CNTN5: variants seen among roughly 807,000 people sequenced by gnomAD.
CNTN5 encodes contactin 5.
A neutral mutation model predicts 129.1 loss-of-function variants in CNTN5; 77 were observed. That is an observed-to-expected ratio of 0.60 (90% CI 0.50 to 0.72). CNTN5 has a LOEUF of 0.72. Among genes scored for constraint, CNTN5 ranks in the 30% least tolerant of loss-of-function variants. CNTN5 has a pLI of 0.00. For synonymous variants in CNTN5, 509 were observed against 465.6 expected, an observed-to-expected ratio of 1.09 and a Z score of -1.20; for missense variants, 1,478 against 1,328.8, an observed-to-expected ratio of 1.11 and a Z score of -1.75.
chr11:99,653,550 C>T (rs1565392558), intron 3 of CNTN5, among the ~76,000 whole-genome samples: 1 of 151,904 alleles, frequency 6.6e-6, no homozygotes, highest in African/African-American at 2.4e-5. Context: ...AACGGAAGTC[C>T]TCAATCCGTG....
At chr11:100,087,324 TTAG>T (rs1230577577) in intron 13 of CNTN5, among the ~76,000 whole-genome samples, 1 of 151,760 alleles carries the variant, frequency 6.6e-6, no homozygotes. Context: ...AACTATTAAA[TTAG>T]TAGTTAAAAA....
intron 6 of CNTN5, among the ~76,000 whole-genome samples, chr11:99,856,786 G>A (rs1049168714): frequency 6.6e-6 from 1 of 152,018 alleles, no homozygotes; most frequent in Non-Finnish European, 1.5e-5. Flanking sequence ...CCTACAAATG[G>A]CCTCAAGACC....
chr11:100,299,391 AAGG>A lies in CNTN5; in HGVS notation c.2619_2620+1del, dbSNP rs1159513083. On this transcript the variant is annotated inframe_deletion and splice_region_variant, in exon 20 of 25. Coordinates refer to ENST00000524871, the MANE Select transcript of CNTN5 (RefSeq NM_014361.4). ...CAAATTGTGGTCATCTGTTCAGCTG[AAGG>A]AGGTCAGTTTTTTTATTCCTATTAT... 9 of 1,576,930 alleles carry A rather than the reference AAGG, an allele frequency of 5.7e-6. No homozygotes were observed. Among genetic ancestry groups the A allele is most frequent in the Admixed American group, 1.9e-5 (1 of 53,254 alleles).
At chr11:99,390,314 T>C (rs909374155) in intron 2 of CNTN5, among the ~76,000 whole-genome samples, 2 of 152,022 alleles carry the variant, frequency 1.3e-5, no homozygotes, top group African/African-American at 4.8e-5. Flanking sequence ...GAGATGGGGG[T>C]TGCCATATTG....
chr11:99,659,886 T>C (rs940313033), intron 3 of CNTN5, among the ~76,000 whole-genome samples: 2 of 152,134 alleles, frequency 1.3e-5, no homozygotes, highest in African/African-American at 4.8e-5. Flanking sequence ...CTTAACCAAA[T>C]CTAGTAATTA....
At chr11:100,096,720 A>C (rs1473724778) in intron 13 of CNTN5, among the ~76,000 whole-genome samples, 1 of 152,128 alleles carries the variant, frequency 6.6e-6, no homozygotes. Context: ...ACGGAGATCA[A>C]TCTACCTGGC....
At chr11:99,222,234 C>G (rs1274638301) in intron 1 of CNTN5, among the ~76,000 whole-genome samples, 1 of 151,296 alleles carries the variant, frequency 6.6e-6, no homozygotes, top group Non-Finnish European at 1.5e-5. Flanking sequence ...TAGATTATAT[C>G]CATCGATACA....
intron 1 of CNTN5, among the ~76,000 whole-genome samples, chr11:99,277,356 G>T (rs920922277): frequency 5.3e-5 from 8 of 151,674 alleles, no homozygotes; most frequent in African/African-American, 1.4e-4. Context: ...TCAGTTTGAT[G>T]TCTTTATATA....
intron 16 of CNTN5, among the ~76,000 whole-genome samples, chr11:100,254,726 T>G (rs1037685253): frequency 1.3e-5 from 2 of 152,224 alleles, no homozygotes; most frequent in African/African-American, 4.8e-5. Context: ...CTGTTCAGCA[T>G]GCAACCATTT....
At chr11:100,308,674 G>C (rs918455338) in intron 21 of CNTN5, 156 of 1,199,866 alleles carry the variant, frequency 1.3e-4, no homozygotes, top group Non-Finnish European at 1.6e-4. Flanking sequence ...AGCTTCCGTA[G>C]CACTATGCAA....
At chr11:100,198,567 A>G (rs1948703651) in intron 15 of CNTN5, among the ~76,000 whole-genome samples, 1 of 151,948 alleles carries the variant, frequency 6.6e-6, no homozygotes, top group Admixed American at 6.6e-5. Flanking sequence ...AAGGTGAGAA[A>G]AGATATTGTT....
At chr11:100,027,119 T>A (rs1404236244) in intron 9 of CNTN5, among the ~76,000 whole-genome samples, 1 of 152,228 alleles carries the variant, frequency 6.6e-6, no homozygotes, top group African/African-American at 2.4e-5. Flanking sequence ...TTAATGTTCT[T>A]GTTTACTAAC....
chr11:99,561,718 T>C (rs1322825528), intron 3 of CNTN5, among the ~76,000 whole-genome samples: 1 of 586 alleles, frequency 1.7e-3, no homozygotes, highest in Admixed American at 0.062. Flanking sequence ...CCAAAACCTA[T>C]AACCCCAAAA....
rs539746806 is a variant in CNTN5, at chr11:99,432,495, CT to C, written c.-71+107014del. Among the ~76,000 whole-genome samples, 7 of 78,042 alleles carry C rather than the reference CT, an allele frequency of 9.0e-5. No individual in the cohort carries two copies. In the Admixed American group the frequency reaches 9.6e-4, roughly 11 times the overall value. The allele number at this position is 78,042 out of a possible 152,430, so 51.2% of individuals were successfully genotyped here. A position where few individuals can be genotyped will look rare whatever the true frequency, so the allele number is the denominator to read the frequency against. ...CTTTTCTTTTCTTTTCTTTTCTTTTCTTTCTTTTCTTTCTCTCTCTCTGTCT... is the reference window on the plus strand; with the variant it reads ...CTTTTCTTTTCTTTTCTTTTCTTTTCTTCTTTTCTTTCTCTCTCTCTGTCT... On this transcript the variant is annotated intron_variant, in intron 2 of 24. Coordinates refer to ENST00000524871, the MANE Select transcript of CNTN5 (RefSeq NM_014361.4).
chr11:100,140,991 A>T (rs879311987), intron 13 of CNTN5, among the ~76,000 whole-genome samples: 1 of 152,310 alleles, frequency 6.6e-6, no homozygotes, highest in Non-Finnish European at 1.5e-5. Flanking sequence ...AATAATGTTC[A>T]CATCAAAGGG....
intron 13 of CNTN5, among the ~76,000 whole-genome samples, chr11:100,164,601 C>T (rs887696057): frequency 1.3e-5 from 2 of 151,870 alleles, no homozygotes; most frequent in South Asian, 2.1e-4. Context: ...CATTCTCCAT[C>T]GTTTATACCA....
At chr11:99,913,367 T>C (rs769060663) in intron 6 of CNTN5, among the ~76,000 whole-genome samples, 8 of 151,988 alleles carry the variant, frequency 5.3e-5, no homozygotes, top group Non-Finnish European at 7.4e-5. Context: ...CTTTTCTTTA[T>C]GGTAGGAAAG....
chr11:99,030,450 CTTATT>C (rs2135085908), intron 1 of CNTN5, among the ~76,000 whole-genome samples: 1 of 152,028 alleles, frequency 6.6e-6, no homozygotes, highest in African/African-American at 2.4e-5. Flanking sequence ...TTTTAATGAC[CTTATT>C]TTATTTGCTC....
chr11:99,536,913 C>A (rs1947923872), intron 2 of CNTN5, among the ~76,000 whole-genome samples: 1 of 149,170 alleles, frequency 6.7e-6, no homozygotes, highest in African/African-American at 2.5e-5. Context: ...TTATAAAATC[C>A]AATATATGTA....
Sources: allele counts gnomAD v4.1 joint callset (sites outside exome capture counted in the v4.1 genomes callset), GRCh38; gene constraint gnomAD v4.1.1; transcripts MANE v1.5; gene names NCBI Gene and HGNC (gene_info 2026-07-23, HGNC 2026-07-21).